The following EMILIN2 variants were observed in gnomAD, a reference collection of about 807,000 sequenced individuals.
The protein encoded by EMILIN2 is elastin microfibril interfacer 2.
In EMILIN2, 71 loss-of-function variants were observed where a neutral mutation model predicts 87.1. That is an observed-to-expected ratio of 0.82 (90% CI 0.67 to 0.99). EMILIN2 has a LOEUF of 0.99. Among genes scored for constraint, EMILIN2 ranks in the 50% least tolerant of loss-of-function variants. The pLI, the probability that EMILIN2 is intolerant of heterozygous loss-of-function variation, is 0.00. For missense variants in EMILIN2, 1,407 were observed against 1,371.8 expected (o/e 1.03, Z -0.40); for synonymous variants, 581 against 563.4 (o/e 1.03, Z -0.44).
In EMILIN2 at chr18:2,883,222, G is replaced by A. The variant is rs576362333; in HGVS notation, c.258-1742G>A. Among the ~76,000 whole-genome samples, 161 of 33,192 alleles carry A rather than the reference G, an allele frequency of 4.9e-3. 3 individuals carry two copies. In the South Asian group the frequency reaches 0.11, roughly 23 times the overall value. 21.8% of individuals were successfully genotyped at this position (33,192 alleles called of 152,430 possible). ...TGTAATTGTCAGTGTGTGACCCTCG[G>A]GGAGGATGTCAAAGGTCCAGCACAT... On this transcript the variant is annotated intron_variant, in intron 2 of 7. Transcript: ENST00000254528.
chr18:2,867,938 C>T lies in EMILIN2; in HGVS notation c.258-17026C>T, dbSNP rs370621062. Among the ~76,000 whole-genome samples, 596 of 151,560 alleles carry T rather than the reference C, an allele frequency of 3.9e-3. 3 individuals carry two copies. Among genetic ancestry groups the T allele is most frequent in the Middle Eastern group, 0.014 (4 of 290 alleles). On this transcript the variant is annotated intron_variant, in intron 2 of 7. Coordinates refer to ENST00000254528, the MANE Select transcript of EMILIN2 (RefSeq NM_032048.3). ...CCCAGTAGGGGCGGCCGGGCAGAGG[C>T]GCCCCTCACCTCCCGGACGGGGCGG...
At chr18:2,879,172 G>A (rs921085919) in intron 2 of EMILIN2, among the ~76,000 whole-genome samples, 109 of 152,136 alleles carry the variant, frequency 7.2e-4, no homozygotes, top group African/African-American at 2.3e-3. Flanking sequence ...GTGAACAGAT[G>A]CGCGCCTGCT....
intron 2 of EMILIN2, among the ~76,000 whole-genome samples, chr18:2,850,634 G>A (rs377326725): frequency 3.9e-5 from 6 of 151,990 alleles, no homozygotes; most frequent in Non-Finnish European, 7.4e-5. Context: ...GGAAAAAAAC[G>A]TTCTTCAGAA....
chr18:2,902,759 G>C (rs867228034), intron 4 of EMILIN2, among the ~76,000 whole-genome samples: 16 of 152,190 alleles, frequency 1.1e-4, no homozygotes, highest in African/African-American at 3.9e-4. Context: ...TCTGGAAAAG[G>C]TGTGAATGAA....
chr18:2,847,256 T>A lies in EMILIN2; in HGVS notation c.68T>A (p.Val23Asp). The change falls in exon 1 of 8, where the codon GTT (valine) becomes GAT (aspartate). Residue 23 changes from valine (V) to aspartate (D), a missense_variant. By Grantham distance (152) the Val-to-Asp change is radical. Coordinates refer to ENST00000254528, the MANE Select transcript of EMILIN2 (RefSeq NM_032048.3). This position sits in a 1 kb window ranked among gnomAD's most constrained non-coding sequence, Gnocchi z 4.5. The part of the protein sequence containing the change: ...WRWALALLAL[V>D]GAGLCHAGPQ... ...TGGGCGCTGGCGCTGCTGGCCCTGGTTGGCGCGGGGCTGTGCCACGCCGGC... is the reference window on the plus strand; with the variant it reads ...TGGGCGCTGGCGCTGCTGGCCCTGGATGGCGCGGGGCTGTGCCACGCCGGC... 2 of 1,293,702 alleles carry A rather than the reference T, an allele frequency of 1.5e-6. No individual in the cohort carries two copies. The highest frequency in any genetic ancestry group is 2.0e-6 in the Non-Finnish European group (2 of 1,022,902). The allele number at this position is 1,293,702 out of a possible 1,614,324, so 80.1% of individuals were successfully genotyped here.
intron 2 of EMILIN2, among the ~76,000 whole-genome samples, chr18:2,856,499 G>C (rs2076627909): frequency 6.6e-6 from 1 of 152,150 alleles, no homozygotes; most frequent in Non-Finnish European, 1.5e-5. Flanking sequence ...TGTGTTCCTT[G>C]AATTCTTTTA....
rs2076915249 is a variant in EMILIN2, at chr18:2,906,821, G to A, written c.2398G>A (p.Glu800Lys). 4 of 1,321,886 alleles carry A rather than the reference G, an allele frequency of 3.0e-6. No homozygotes were observed. In the South Asian group the frequency reaches 6.3e-5, roughly 21 times the overall value. 81.9% of individuals were successfully genotyped at this position (1,321,886 alleles called of 1,614,324 possible). The change falls in exon 5 of 8, where the codon GAG becomes AAG. Residue 800 changes from glutamate to lysine, a missense_variant. Physicochemically the swap from Glu to Lys is moderately conservative, Grantham distance 56. Transcript: ENST00000254528. Reference protein sequence around the residue: ...SPPPPAEAPKEPLQPEPAPPR... With the variant: ...SPPPPAEAPKKPLQPEPAPPR... Reference sequence around the variant, plus strand: ...CCCGCCGCCCGCAGAGGCCCCGAAGGAGCCGCTGCAGCCCGAGCCCGCCCC... The same window carrying A: ...CCCGCCGCCCGCAGAGGCCCCGAAGAAGCCGCTGCAGCCCGAGCCCGCCCC...
At chr18:2,863,110 CTT>C (rs2076669270) in intron 2 of EMILIN2, among the ~76,000 whole-genome samples, 1 of 152,054 alleles carries the variant, frequency 6.6e-6, no homozygotes, top group Middle Eastern at 3.4e-3. Context: ...ATTCTTCTCT[CTT>C]TTCTTTATTA....
intron 7 of EMILIN2, among the ~76,000 whole-genome samples, chr18:2,911,882 C>CCAGGGCTGGTGCTGGCCT (rs1274523536): frequency 2.5e-4 from 35 of 137,798 alleles, no homozygotes; most frequent in African/African-American, 8.2e-4. Flanking sequence ...ACTCAAAACG[C>CCAGGGCTGGTGCTGGCCT]CAGGGCTGGT....
Position 2,890,629 on chromosome 18 carries a change from T to TG in EMILIN2, c.508dup (p.Val170GlyfsTer31). The TG allele has an allele frequency of 6.8e-6, 11 of 1,613,518 alleles. No individual in the cohort carries two copies. Among genetic ancestry groups the TG allele is most frequent in the Admixed American group, 1.7e-5 (1 of 59,994 alleles). ...CCCAACTGGTACAGCACAACCAAGC[T>TG]GGGGGGTAGATCCAAAAGAGGGGCC... On this transcript the variant is annotated frameshift_variant, in exon 4 of 8. Coordinates refer to ENST00000254528, the MANE Select transcript of EMILIN2 (RefSeq NM_032048.3). LOFTEE classifies it high-confidence loss of function. The surrounding 1 kb of genome is among the most constrained non-coding windows in gnomAD (Gnocchi z 4.7).
At chr18:2,903,924 T>C (rs1368683090) in intron 4 of EMILIN2, among the ~76,000 whole-genome samples, 1 of 152,232 alleles carries the variant, frequency 6.6e-6, no homozygotes, top group East Asian at 1.9e-4. Context: ...CTCTCCCCTT[T>C]CTTTTACTCT....
intron 2 of EMILIN2, among the ~76,000 whole-genome samples, chr18:2,860,309 C>T (rs145717337): frequency 6.0e-4 from 92 of 152,168 alleles, no homozygotes; most frequent in Non-Finnish European, 1.1e-3. Context: ...CATAGGTATA[C>T]ATGTGCCGTG....
chr18:2,870,839 A>C (rs1243357625), intron 2 of EMILIN2, among the ~76,000 whole-genome samples: 1 of 152,210 alleles, frequency 6.6e-6, no homozygotes, highest in Admixed American at 6.5e-5. Context: ...GATCTGTTCC[A>C]GGCCTCTCTC....
At position 2,862,690 on chromosome 18, in the gene EMILIN2, G is replaced by C. The variant is rs371043340; in HGVS notation, c.257+14759G>C. ...ATTGGTCTAAAATTCTCTTTTTTTTGTTGTGTCTCTGCCAGGTTTTGGTAT... is the reference window on the plus strand; with the variant it reads ...ATTGGTCTAAAATTCTCTTTTTTTTCTTGTGTCTCTGCCAGGTTTTGGTAT... On this transcript the variant is annotated intron_variant, in intron 2 of 7. Coordinates refer to ENST00000254528, the MANE Select transcript of EMILIN2 (RefSeq NM_032048.3). Among the ~76,000 whole-genome samples the C allele has an allele frequency of 2.0e-5, 3 of 151,898 alleles. No individual in the cohort carries two copies. In the East Asian group the frequency reaches 5.8e-4, roughly 29 times the overall value.
intron 4 of EMILIN2, chr18:2,906,235 G>C (rs374958865): frequency 1.3e-5 from 2 of 152,272 alleles, no homozygotes; most frequent in East Asian, 1.9e-4. Context: ...CACGCCAGGA[G>C]CTTCCTCCGT....
At chr18:2,904,763 C>T (rs1173451080) in intron 4 of EMILIN2, among the ~76,000 whole-genome samples, 3 of 152,184 alleles carry the variant, frequency 2.0e-5, no homozygotes, top group Admixed American at 6.5e-5. Flanking sequence ...TTCACACAGG[C>T]GGCTTTCCTC....
chr18:2,902,306 G>A (rs185737105), intron 4 of EMILIN2, among the ~76,000 whole-genome samples: 87 of 152,274 alleles, frequency 5.7e-4, no homozygotes, highest in African/African-American at 1.7e-3. Context: ...ACCAGGCCTT[G>A]TGCTAGGCCC....
At position 2,867,599 on chromosome 18, in the gene EMILIN2, T is replaced by G. The variant is rs28538081; in HGVS notation, c.258-17365T>G. On this transcript the variant is annotated intron_variant, in intron 2 of 7. Coordinates refer to ENST00000254528, the MANE Select transcript of EMILIN2 (RefSeq NM_032048.3). Reference sequence around the variant, plus strand: ...AGCATCTGTTTAACAAAGCACATCTTGCACCGCCCTTAATCCATTTAACCC... The same window carrying G: ...AGCATCTGTTTAACAAAGCACATCTGGCACCGCCCTTAATCCATTTAACCC... Among the ~76,000 whole-genome samples, 443 of 152,308 alleles carry G rather than the reference T, an allele frequency of 2.9e-3. 1 individual carries two copies. The highest frequency in any genetic ancestry group is 9.7e-3 in the African/African-American group (402 of 41,556).
At chr18:2,879,905 G>T (rs1159788187) in intron 2 of EMILIN2, among the ~76,000 whole-genome samples, 1 of 151,992 alleles carries the variant, frequency 6.6e-6, no homozygotes, top group Non-Finnish European at 1.5e-5. Flanking sequence ...ATGAGGTTTT[G>T]CTATGTTGCC....
Sources: gnomAD v4.1 joint callset for allele counts (sites outside exome capture counted in the v4.1 genomes callset) on GRCh38, gnomAD v4.1.1 for gene constraint, Gnocchi (gnomAD v3.1) non-coding constraint, MANE v1.5 for transcripts, NCBI Gene and HGNC (gene_info 2026-07-23, HGNC 2026-07-21) for gene names.